Variants in IZUMO1 observed in about 807,000 individuals in gnomAD.
IZUMO1 encodes izumo sperm-egg fusion protein 1.
In IZUMO1, 44 loss-of-function variants were observed where a neutral mutation model predicts 40.7. The ratio of observed to expected loss-of-function variants is 1.08; its 90% CI spans 0.85 to 1.39. The LOEUF (loss-of-function observed/expected upper bound fraction) is 1.39, where lower values mean the gene tolerates loss of function less well. Ranked by LOEUF, IZUMO1 falls within the 40% of genes most tolerant of loss-of-function variation. The pLI is 0.00. For synonymous variants in IZUMO1, 149 were observed against 170.9 expected (o/e 0.87, Z 1.00); for missense variants, 368 against 436.9 (o/e 0.84, Z 1.41).
At position 48,742,310 on chromosome 19, in the gene IZUMO1, CTGGGGG is replaced by C; in HGVS notation, c.500-7_500-2del. 1 of 1,608,050 alleles carries C rather than the reference CTGGGGG, an allele frequency of 6.2e-7. No individual in the cohort carries two copies. Among genetic ancestry groups the C allele is most frequent in the Non-Finnish European group, 8.5e-7 (1 of 1,174,544 alleles). On this transcript the variant is annotated splice_acceptor_variant and splice_polypyrimidine_tract_variant and intron_variant, in intron 6 of 9. Coordinates refer to ENST00000332955, the MANE Select transcript of IZUMO1 (RefSeq NM_182575.3). LOFTEE classifies it high-confidence loss of function. ...ATTTGAGGAACTTCCACATTCCGCT[CTGGGGG>C]TGGGGGATGACCATGGGACACTCAT...
In IZUMO1 at chr19:48,746,652, A is replaced by G; in HGVS notation, c.-291T>C. ...CTTGGTTCCCGATTTGTGGCCTCTA[A>G]CACTAGGGTTCATTGAGGAGCCCGG... On this transcript the variant is annotated 5_prime_UTR_variant, in exon 1 of 10. Coordinates refer to ENST00000332955, the MANE Select transcript of IZUMO1 (RefSeq NM_182575.3). The G allele has an allele frequency of 1.0e-6, 1 of 985,480 alleles. No homozygotes were observed. The highest frequency in any genetic ancestry group is 1.2e-6 in the Non-Finnish European group (1 of 829,920). The allele number at this position is 985,480 out of a possible 1,614,324, so 61.0% of individuals were successfully genotyped here. A position where few individuals can be genotyped will look rare whatever the true frequency, so the allele number is the denominator to read the frequency against.
Position 48,743,257 on chromosome 19 carries a change from G to GCTTCCCAATCCTCCCGT in IZUMO1, c.499+171_499+187dup, listed in dbSNP as rs1213195861. The GCTTCCCAATCCTCCCGT allele has an allele frequency of 4.8e-4, 283 of 594,430 alleles. 1 individual carries two copies. The highest frequency in any genetic ancestry group is 2.7e-4 in the Admixed American group (9 of 33,800). 36.8% of individuals were successfully genotyped at this position (594,430 alleles called of 1,614,324 possible). A position where few individuals can be genotyped will look rare whatever the true frequency, so the allele number is the denominator to read the frequency against. On this transcript the variant is annotated intron_variant, in intron 6 of 9. Transcript: ENST00000332955. ...TGCCCAGGCTGGTCTCAAACTCCTG[G>GCTTCCCAATCCTCCCGT]CTTCCCAATCCTCCCGTCTCAGCCT...
At position 48,743,496 on chromosome 19, in the gene IZUMO1, T is replaced by C; in HGVS notation, c.448A>G (p.Lys150Glu). 1 of 1,614,166 alleles carries C rather than the reference T, an allele frequency of 6.2e-7. No individual in the cohort carries two copies. Among genetic ancestry groups the C allele is most frequent in the East Asian group, 2.2e-5 (1 of 44,874 alleles). The change falls in exon 6 of 10, where the codon AAG becomes GAG. Residue 150 changes from lysine (K) to glutamate (E), a missense_variant. Coordinates refer to ENST00000332955, the MANE Select transcript of IZUMO1 (RefSeq NM_182575.3). ...GCGTGAACCTCCTTTTTGCAGTTCT[T>C]GCACCAGATCAGAGTTTGCAACATC... Reference protein sequence around the residue: ...GVMLQTLIWCKNCKKEVHACR... With the variant: ...GVMLQTLIWCENCKKEVHACR...
At chr19:48,742,551 T>C (rs1056521335) in intron 6 of IZUMO1, among the ~76,000 whole-genome samples, 42 of 151,990 alleles carry the variant, frequency 2.8e-4, no homozygotes, top group African/African-American at 8.7e-4. Context: ...TTTCACCATA[T>C]TGGACAGGCT....
Position 48,746,617 on chromosome 19 carries a change from G to C in IZUMO1, c.-256C>G. Reference sequence around the variant, plus strand: ...GAACAGTGATGCACCCTAAACAGCCGCTCCCCGACCTTGGTTCCCGATTTG... The same window carrying C: ...GAACAGTGATGCACCCTAAACAGCCCCTCCCCGACCTTGGTTCCCGATTTG... On this transcript the variant is annotated 5_prime_UTR_variant, in exon 1 of 10. Coordinates refer to ENST00000332955, the MANE Select transcript of IZUMO1 (RefSeq NM_182575.3). 1.0e-6 allele frequency: 1 copy of C among 985,368 alleles called. No individual in the cohort carries two copies. Among genetic ancestry groups the C allele is most frequent in the Non-Finnish European group, 1.2e-6 (1 of 829,914 alleles). The allele number at this position is 985,368 out of a possible 1,614,324, so 61.0% of individuals were successfully genotyped here.
intron 3 of IZUMO1, 99 bp from the exon 4 acceptor site, chr19:48,744,638 A>T (rs1353149926): frequency 7.1e-6 from 6 of 849,156 alleles, no homozygotes; most frequent in Non-Finnish European, 1.0e-5. Context: ...TTCTCAGGAA[A>T]GGGCGCTACA....
intron 2 of IZUMO1, 48 bp from the exon 3 acceptor site, chr19:48,745,336 G>A: frequency 1.3e-6 from 2 of 1,533,428 alleles, no homozygotes; most frequent in South Asian, 1.1e-5. Context: ...TGTCTCATTG[G>A]CGCGCCTAAT....
In IZUMO1 at chr19:48,741,278, G is replaced by A; in HGVS notation, c.932+23C>T. Reference sequence around the variant, plus strand: ...CCGCCCCTTACTCCAAGCCAAGCCTGTCTTCTTCAATGGGTTGCTTACGCA... The same window carrying A: ...CCGCCCCTTACTCCAAGCCAAGCCTATCTTCTTCAATGGGTTGCTTACGCA... On this transcript the variant is annotated intron_variant, in intron 9 of 9. Transcript: ENST00000332955. This position sits in a 1 kb window ranked among gnomAD's most constrained non-coding sequence, Gnocchi z 4.4. 3 of 1,566,728 alleles carry A rather than the reference G, an allele frequency of 1.9e-6. No individual in the cohort carries two copies. The highest frequency in any genetic ancestry group is 2.3e-5 in the East Asian group (1 of 43,882).
At chr19:48,744,633 A>C in intron 3 of IZUMO1, 94 bp from the exon 4 acceptor site, 23 of 883,532 alleles carry the variant, frequency 2.6e-5, no homozygotes, top group Non-Finnish European at 3.2e-5. Flanking sequence ...TGGCCTTCTC[A>C]GGAAAGGGCG....
rs2033685212 is a variant in IZUMO1, at chr19:48,741,418, G to C, written c.815C>G (p.Ala272Gly). Residue 272 changes from alanine to glycine, a missense_variant, in exon 9 of 10, where the codon GCG (alanine) becomes GGG (glycine). Physicochemically the swap from Ala to Gly is moderately conservative, Grantham distance 60 (BLOSUM62 0). Transcript: ENST00000332955. This position sits in a 1 kb window ranked among gnomAD's most constrained non-coding sequence, Gnocchi z 4.4. ...PSPNIVTPGE[A>G]TTESSISLQP... The stretch of plus-strand genomic sequence containing the variant: ...GAGGCTTATGGACGACTCCGTGGTC[G>C]CCTCCCCCGGGGTTACGATATTTGG... The C allele has an allele frequency of 1.9e-6, 3 of 1,613,378 alleles. No individual in the cohort carries two copies. Among genetic ancestry groups the C allele is most frequent in the East Asian group, 4.5e-5 (2 of 44,866 alleles).
In IZUMO1 at chr19:48,744,209, G is replaced by GA; in HGVS notation, c.398-15dup. 6.2e-7 allele frequency: 1 copy of GA among 1,611,450 alleles called. No individual in the cohort carries two copies. The highest frequency in any genetic ancestry group is 8.5e-7 in the Non-Finnish European group (1 of 1,177,956). On this transcript the variant is annotated splice_polypyrimidine_tract_variant and intron_variant, in intron 4 of 9. Transcript: ENST00000332955. Reference sequence around the variant, plus strand: ...TGGGACAATAAGCTGTGTCAAAAGAGAAAAAAAGAGAGCAAGAAAGAGATG... The same window carrying GA: ...TGGGACAATAAGCTGTGTCAAAAGAGAAAAAAAAGAGAGCAAGAAAGAGATG...
At chr19:48,744,101 A>G in intron 5 of IZUMO1, 74 bp downstream of exon 5, 2 of 1,347,468 alleles carry the variant, frequency 1.5e-6, no homozygotes, top group Non-Finnish European at 2.1e-6. Flanking sequence ...AACCACCAGG[A>G]TCCAAAAAGG....
rs1383244849 is a variant in IZUMO1, at chr19:48,743,481, C to T, written c.463G>A (p.Glu155Lys). 1.9e-6 allele frequency: 3 copies of T among 1,614,054 alleles called. No homozygotes were observed. In the African/African-American group the frequency reaches 4.0e-5, roughly 22 times the overall value. The change falls in exon 6 of 10, where the codon GAG (glutamate) becomes AAG (lysine). Residue 155 changes from glutamate to lysine, a missense_variant. Transcript: ENST00000332955. ...TAGGACTTTCGACAAGCGTGAACCT[C>T]CTTTTTGCAGTTCTTGCACCAGATC... ...TLIWCKNCKK[E>K]VHACRKSYDC...
In IZUMO1 at chr19:48,745,647, C is replaced by A. The variant is rs768919044; in HGVS notation, c.213G>T (p.Glu71Asp). The change falls in exon 2 of 10, where the codon GAG (glutamate) becomes GAT (aspartate). Residue 71 changes from glutamate to aspartate, a missense_variant. Physicochemically the swap from Glu to Asp is conservative, Grantham distance 45 (BLOSUM62 2). Transcript: ENST00000332955. The stretch of plus-strand genomic sequence containing the variant: ...CACCAACGACCCCCATATAGGCATC[C>A]TCATTAAGCGACAGTTCCTGGAAAT... ...VKDFQELSLN[E>D]DAYMGVVDEA... The A allele has an allele frequency of 3.7e-6, 6 of 1,614,168 alleles. No homozygotes were observed. The highest frequency in any genetic ancestry group is 5.1e-6 in the Non-Finnish European group (6 of 1,180,026).
chr19:48,744,449 T>G lies in IZUMO1; in HGVS notation c.397+4A>C, dbSNP rs184819013. 384 of 1,609,554 alleles carry G rather than the reference T, an allele frequency of 2.4e-4. 1 individual carries two copies. The African/African-American group carries it at 4.2e-3, about 18-fold the overall frequency. On this transcript the variant is annotated splice_donor_region_variant and intron_variant, in intron 4 of 9. Coordinates refer to ENST00000332955, the MANE Select transcript of IZUMO1 (RefSeq NM_182575.3). Reference sequence around the variant, plus strand: ...GGGGGACACCGACTCCCATCTTCTCTCACCCTCTTTTTGGAATCGAGCAAC... The same window carrying G: ...GGGGGACACCGACTCCCATCTTCTCGCACCCTCTTTTTGGAATCGAGCAAC...
Position 48,744,511 on chromosome 19 carries a change from C to T in IZUMO1, c.339G>A (p.Trp113Ter), listed in dbSNP as rs1358083715. ...AGGTTTCCTTTTGCAAGTGCAACAT[C>T]CAAAATAGCTCCTTCACGAAGAGAT... ...KGDLFVKELF[W>*]MLHLQKETFA... The change falls in exon 4 of 10, where the codon TGG (tryptophan) becomes TGA (stop). Residue 113 changes from tryptophan to a stop codon, truncating the protein, a stop_gained. Coordinates refer to ENST00000332955, the MANE Select transcript of IZUMO1 (RefSeq NM_182575.3). LOFTEE classifies it high-confidence loss of function. The T allele has an allele frequency of 1.2e-6, 2 of 1,613,726 alleles. No individual in the cohort carries two copies.
Position 48,745,649 on chromosome 19 carries a change from C to T in IZUMO1, c.211G>A (p.Glu71Lys). 1 of 1,614,170 alleles carries T rather than the reference C, an allele frequency of 6.2e-7. No individual in the cohort carries two copies. Among genetic ancestry groups the T allele is most frequent in the Non-Finnish European group, 8.5e-7 (1 of 1,180,032 alleles). ...VKDFQELSLN[E>K]DAYMGVVDEA... The stretch of plus-strand genomic sequence containing the variant: ...CCAACGACCCCCATATAGGCATCCT[C>T]ATTAAGCGACAGTTCCTGGAAATCC... The change falls in exon 2 of 10, where the codon GAG becomes AAG. Residue 71 changes from glutamate (E) to lysine (K), a missense_variant. Glu to Lys is a moderately conservative substitution (Grantham distance 56, BLOSUM62 1). Transcript: ENST00000332955.
chr19:48,742,077 A>G lies in IZUMO1; in HGVS notation c.600+132T>C, dbSNP rs891101509. The G allele has an allele frequency of 4.7e-6, 7 of 1,493,764 alleles. No homozygotes were observed. In the African/African-American group the frequency reaches 8.3e-5, roughly 18 times the overall value. 92.5% of individuals were successfully genotyped at this position (1,493,764 alleles called of 1,614,324 possible). A position where few individuals can be genotyped will look rare whatever the true frequency, so the allele number is the denominator to read the frequency against. ...TCACTGGTCAGGGCACGGGGTCCCC[A>G]GAGGTCTGTAGAGACCACACCTAAT... On this transcript the variant is annotated intron_variant, in intron 7 of 9. Coordinates refer to ENST00000332955, the MANE Select transcript of IZUMO1 (RefSeq NM_182575.3).
chr19:48,741,325 G>A lies in IZUMO1; in HGVS notation c.908C>T (p.Ala303Val), dbSNP rs1292885566. The A allele has an allele frequency of 6.2e-7, 1 of 1,608,082 alleles. No individual in the cohort carries two copies. Among genetic ancestry groups the A allele is most frequent in the Non-Finnish European group, 8.5e-7 (1 of 1,178,996 alleles). The stretch of plus-strand genomic sequence containing the variant: ...CGCAAAGGTAAGGCCGGTTATCAGT[G>A]CTAGGGAGCCGCAGATCAGCAGCCC... ...LLGLLICGSL[A>V]LITGLTFAIF... The change falls in exon 9 of 10, where the codon GCA (alanine) becomes GTA (valine). Residue 303 changes from alanine (A) to valine (V), a missense_variant. Transcript: ENST00000332955. This position sits in a 1 kb window ranked among gnomAD's most constrained non-coding sequence, Gnocchi z 4.4.
Sources: allele counts gnomAD v4.1 joint callset (sites outside exome capture counted in the v4.1 genomes callset), GRCh38; gene constraint gnomAD v4.1.1; non-coding constraint Gnocchi (gnomAD v3.1); transcripts MANE v1.5; gene names NCBI Gene and HGNC (gene_info 2026-07-23, HGNC 2026-07-21).